Variants in RPGR observed in about 807,000 individuals in gnomAD.
The protein encoded by RPGR is retinitis pigmentosa GTPase regulator, also known as X-linked retinitis pigmentosa GTPase regulator.
A neutral mutation model predicts 56.3 loss-of-function variants in RPGR; 10 were observed. That is an observed-to-expected ratio of 0.18 (90% CI 0.11 to 0.30). RPGR has a LOEUF of 0.30. Among genes scored for constraint, RPGR ranks in the 10% least tolerant of loss-of-function variants. The pLI is 1.00. For synonymous variants in RPGR, 197 were observed against 212.9 expected (o/e 0.93, Z 0.65); for missense variants, 538 against 590.9 (o/e 0.91, Z 0.93).
chrX:38,286,983 C>T lies in RPGR; in HGVS notation c.1905+111G>A. The stretch of plus-strand genomic sequence containing the variant: ...TGTCTTTCTCCCCCTTCTCCCTCTC[C>T]TCATCTTGCCAGTGTTCTGCTCCTG... On this transcript the variant is annotated intron_variant, in intron 15 of 18. Coordinates refer to ENST00000642395, the MANE Select transcript of RPGR (RefSeq NM_000328.3). The T allele has an allele frequency of 8.3e-7, 1 of 1,209,959 alleles. No individual in the cohort carries two copies.
At chrX:38,297,209 T>C (rs761037908) in intron 11 of RPGR, 75 bp downstream of exon 11, 12 of 1,042,952 alleles carry the variant, frequency 1.2e-5, no homozygotes, top group South Asian at 1.9e-5. Context: ...GGAGAAAACA[T>C]CTTAAGATAA....
At chrX:38,307,819 ATACATT>A (rs1412388050) in intron 7 of RPGR, among the ~76,000 whole-genome samples, 2 of 111,989 alleles carry the variant, frequency 1.8e-5, no homozygotes, top group East Asian at 5.6e-4. Context: ...TTTCATACAT[ATACATT>A]TATACAGTTT....
At chrX:38,287,459 CTTCCATGTAACT>C in intron 14 of RPGR, 1 of 570,320 alleles carries the variant, frequency 1.8e-6, no homozygotes. Flanking sequence ...TCACTTGCAC[CTTCCATGTAACT>C]GTCTGGCTTT....
At chrX:38,271,727 T>C (rs1295446629) in intron 18 of RPGR, among the ~76,000 whole-genome samples, 2 of 111,946 alleles carry the variant, frequency 1.8e-5, no homozygotes, top group Non-Finnish European at 3.8e-5. Context: ...CTTAAAGGAT[T>C]TCCACAAAAA....
At chrX:38,299,214 CT>C (rs1339778938) in intron 9 of RPGR, 73 bp from the exon 10 acceptor site, 3 of 1,055,940 alleles carry the variant, frequency 2.8e-6, no homozygotes, top group Non-Finnish European at 3.9e-6. Flanking sequence ...CAGTTATCAG[CT>C]GTAAGACATT....
chrX:38,285,406 A>C, intron 15 of RPGR: 1 of 1,103,677 alleles, frequency 9.1e-7, no homozygotes, highest in Non-Finnish European at 1.2e-6. Context: ...ACACAGCTGC[A>C]TCAGTTGCTT....
chrX:38,319,143 T>C (rs1416641677), intron 4 of RPGR, among the ~76,000 whole-genome samples, 156 bp from the exon 5 acceptor site: 2 of 112,272 alleles, frequency 1.8e-5, no homozygotes, highest in Non-Finnish European at 3.8e-5. Flanking sequence ...ATCGTCAAAA[T>C]AAAGCAAAAC....
At chrX:38,317,674 C>G (rs968002623) in intron 5 of RPGR, 137 of 386,538 alleles carry the variant, frequency 3.5e-4, no homozygotes, top group Middle Eastern at 7.4e-4. Flanking sequence ...GAACACAGAA[C>G]AGCCTGATTG....
chrX:38,321,951 TC>T (rs1414183604), intron 3 of RPGR, among the ~76,000 whole-genome samples: 1 of 112,041 alleles, frequency 8.9e-6, no homozygotes, highest in East Asian at 2.8e-4. Context: ...ATCCCTGGTC[TC>T]AAGGATCCCA....
chrX:38,277,899 G>A (rs1166912974), intron 15 of RPGR, among the ~76,000 whole-genome samples: 1 of 112,184 alleles, frequency 8.9e-6, no homozygotes, highest in Non-Finnish European at 1.9e-5. Context: ...AGGCTAGGAA[G>A]AGGATGTTTA....
At chrX:38,284,841 T>G (rs1264081356) in intron 15 of RPGR, 11 of 750,222 alleles carry the variant, frequency 1.5e-5, no homozygotes, top group Non-Finnish European at 1.4e-5. Flanking sequence ...CAAAAAATAC[T>G]TCAAGTTTTA....
intron 11 of RPGR, among the ~76,000 whole-genome samples, chrX:38,294,582 A>T (rs1388300193): frequency 9.0e-6 from 1 of 111,709 alleles, no homozygotes; most frequent in East Asian, 2.8e-4. Context: ...GCTCTCTTCT[A>T]AACTTTAGGC....
chrX:38,278,931 T>C (rs957329077), intron 15 of RPGR, among the ~76,000 whole-genome samples: 9 of 112,505 alleles, frequency 8.0e-5, no homozygotes, highest in Admixed American at 5.6e-4. Flanking sequence ...GTGGGAGTTT[T>C]ACCTTATTTT....
chrX:38,318,995 T>C lies in RPGR; in HGVS notation c.311-8A>G, dbSNP rs1182731905. ...CATATACATTGCCTCCTTCTGCACA[T>C]GGAAAAGAAAACGTCAATAGACTAT... is the stretch of plus-strand genomic sequence containing the variant. On this transcript the variant is annotated splice_polypyrimidine_tract_variant and splice_region_variant and intron_variant, in intron 4 of 18. Coordinates refer to ENST00000642395, the MANE Select transcript of RPGR (RefSeq NM_000328.3). The C allele has an allele frequency of 1.7e-6, 2 of 1,211,348 alleles. No individual in the cohort carries two copies. The highest frequency in any genetic ancestry group is 2.2e-6 in the Non-Finnish European group (2 of 895,035).
chrX:38,276,906 GA>G, intron 15 of RPGR: 2 of 533,670 alleles, frequency 3.7e-6, no homozygotes, highest in Non-Finnish European at 6.1e-6. Flanking sequence ...TGAAGCCGAA[GA>G]AAAAAATACT....
At chrX:38,281,333 G>A (rs1179110240) in intron 15 of RPGR, among the ~76,000 whole-genome samples, 1 of 111,608 alleles carries the variant, frequency 9.0e-6, no homozygotes, top group Non-Finnish European at 1.9e-5. Flanking sequence ...CTAAATTTTC[G>A]GCTAACCACA....
chrX:38,310,888 G>C (rs1485642440), intron 6 of RPGR, 115 bp from the exon 7 acceptor site: 3 of 603,691 alleles, frequency 5.0e-6, no homozygotes, highest in Non-Finnish European at 5.3e-6. Context: ...CCTTTCTTGA[G>C]ATATTTTTAC....
At chrX:38,316,710 T>A (rs964202691) in intron 6 of RPGR, among the ~76,000 whole-genome samples, 3 of 111,654 alleles carry the variant, frequency 2.7e-5, no homozygotes, top group African/African-American at 9.8e-5. Context: ...TACTCTCTCT[T>A]GGTATCATGC....
intron 7 of RPGR, among the ~76,000 whole-genome samples, chrX:38,306,056 T>C (rs1389002525): frequency 8.9e-6 from 1 of 112,133 alleles, no homozygotes; most frequent in Non-Finnish European, 1.9e-5. Context: ...TGAGTGGTGA[T>C]GAAAGGGTCC....
Sources: gnomAD v4.1 joint callset for allele counts (sites outside exome capture counted in the v4.1 genomes callset) on GRCh38, gnomAD v4.1.1 for gene constraint, MANE v1.5 for transcripts, NCBI Gene and HGNC (gene_info 2026-07-23, HGNC 2026-07-21) for gene names.